Variants in ERGIC3 observed in about 807,000 individuals in gnomAD.
The protein encoded by ERGIC3 is ERGIC and golgi 3, also known as endoplasmic reticulum-Golgi intermediate compartment protein 3.
Under a neutral mutation model 54.7 loss-of-function variants are expected in ERGIC3, and 33 were observed. The observed-to-expected ratio is 0.60, with a 90% confidence interval of 0.46 to 0.81. The LOEUF is 0.81. ERGIC3 is among the 30% of genes least tolerant of loss of function. The pLI is 0.00. For synonymous variants in ERGIC3, 186 were observed against 189.8 expected, an observed-to-expected ratio of 0.98 and a Z score of 0.16; for missense variants, 399 against 488.4, an observed-to-expected ratio of 0.82 and a Z score of 1.73.
In ERGIC3 at chr20:35,548,647, G is replaced by T; in HGVS notation, c.600G>T (p.Gln200His). The T allele has an allele frequency of 6.2e-7, 1 of 1,614,256 alleles. No individual in the cohort carries two copies. The highest frequency in any genetic ancestry group is 8.5e-7 in the Non-Finnish European group (1 of 1,180,052). The change falls in exon 6 of 13, where the codon CAG becomes CAT. Residue 200 changes from glutamine to histidine, a missense_variant. Gln to His is a conservative substitution (Grantham distance 24). Coordinates refer to ENST00000348547, the MANE Select transcript of ERGIC3 (RefSeq NM_015966.3). The stretch of plus-strand genomic sequence containing the variant: ...AGGAGCAGAAGAATGAAGGCTGCCA[G>T]GTGTATGGCTTCTTGGAAGTCAATA... ...KMQEQKNEGCQVYGFLEVNKV... is the reference protein window; with the variant it reads ...KMQEQKNEGCHVYGFLEVNKV...
In ERGIC3 at chr20:35,542,194, C is replaced by G; in HGVS notation, c.88+9C>G. ...CTGCGGGGGCGCCACCGGTAGGCCG[C>G]AGCGGGGCCGGGGTCGCGTGGAGGG... On this transcript the variant is annotated intron_variant, in intron 1 of 12. Transcript: ENST00000348547. 1 of 1,581,668 alleles carries G rather than the reference C, an allele frequency of 6.3e-7. No individual in the cohort carries two copies. Among genetic ancestry groups the G allele is most frequent in the Non-Finnish European group, 8.6e-7 (1 of 1,162,770 alleles).
At chr20:35,550,225 A>G (rs907785576) in intron 7 of ERGIC3, among the ~76,000 whole-genome samples, 4 of 152,022 alleles carry the variant, frequency 2.6e-5, no homozygotes, top group African/African-American at 9.7e-5. Flanking sequence ...AGCAGAGAGA[A>G]CAGCAAATGC....
intron 4 of ERGIC3, 199 bp from the exon 5 acceptor site, chr20:35,547,213 C>T: frequency 1.8e-6 from 1 of 545,122 alleles, no homozygotes; most frequent in Non-Finnish European, 3.3e-6. Context: ...TTACTGTTGA[C>T]TGTTTTCTTA....
intron 7 of ERGIC3, among the ~76,000 whole-genome samples, chr20:35,551,889 A>G (rs528852442): frequency 6.6e-6 from 1 of 152,274 alleles, no homozygotes; most frequent in South Asian, 2.1e-4. Flanking sequence ...TGACAGCTCT[A>G]TAGTGGAAAT....
chr20:35,556,510 G>C (rs916736659), intron 10 of ERGIC3: 63 of 558,132 alleles, frequency 1.1e-4, no homozygotes, highest in African/African-American at 1.1e-3. Flanking sequence ...TTCCTCCGGT[G>C]CCCACCGTCT....
intron 7 of ERGIC3, chr20:35,554,401 C>T (rs1225430761): frequency 3.1e-6 from 5 of 1,614,096 alleles, no homozygotes; most frequent in Middle Eastern, 1.7e-4. Flanking sequence ...GTGGCCCTGC[C>T]CCCATGGAGG....
intron 7 of ERGIC3, among the ~76,000 whole-genome samples, chr20:35,550,668 G>A (rs1272212854): frequency 4.6e-5 from 7 of 152,132 alleles, no homozygotes. Context: ...TGCAGGGCTT[G>A]CAGGGGCATT....
intron 3 of ERGIC3, 91 bp downstream of exon 3, chr20:35,542,691 G>C: frequency 6.3e-7 from 1 of 1,599,214 alleles, no homozygotes; most frequent in Non-Finnish European, 8.6e-7. Flanking sequence ...TTCTGGACTG[G>C]ACCCCAGGAC....
chr20:35,549,450 A>G, intron 7 of ERGIC3: 1 of 346,952 alleles, frequency 2.9e-6, no homozygotes, highest in South Asian at 2.2e-5. Context: ...CATTCACAAA[A>G]TATTTAGTAA....
chr20:35,554,775 A>G, intron 7 of ERGIC3: 1 of 600,286 alleles, frequency 1.7e-6, no homozygotes, highest in Non-Finnish European at 3.0e-6. Flanking sequence ...AGGCAGGGCC[A>G]TGGTGGTAGT....
At chr20:35,543,028 G>A in intron 4 of ERGIC3, 87 bp downstream of exon 4, 2 of 1,589,870 alleles carry the variant, frequency 1.3e-6, no homozygotes, top group Non-Finnish European at 1.7e-6. Flanking sequence ...GGCAGGCATA[G>A]TGATACATTA....
At position 35,556,508 on chromosome 20, in the gene ERGIC3, G is replaced by A. The variant is rs1443756758; in HGVS notation, c.879+237G>A. On this transcript the variant is annotated intron_variant, in intron 10 of 12. Transcript: ENST00000348547. Reference sequence around the variant, plus strand: ...CTCACCGCTTCTATCCGTTCCTCCGGTGCCCACCGTCTGCCTGCCTCACTG... The same window carrying A: ...CTCACCGCTTCTATCCGTTCCTCCGATGCCCACCGTCTGCCTGCCTCACTG... 5.4e-6 allele frequency: 3 copies of A among 560,476 alleles called. No homozygotes were observed. In the East Asian group the frequency reaches 9.3e-5, roughly 17 times the overall value. 34.7% of individuals were successfully genotyped at this position (560,476 alleles called of 1,614,324 possible). A position where few individuals can be genotyped will look rare whatever the true frequency, so the allele number is the denominator to read the frequency against.
intron 4 of ERGIC3, chr20:35,543,666 T>G (rs1324028993): frequency 4.2e-6 from 2 of 471,066 alleles, no homozygotes; most frequent in African/African-American, 4.0e-5. Context: ...AGCAGATTAA[T>G]GCAGGACACC....
At position 35,542,813 on chromosome 20, in the gene ERGIC3, T is replaced by C. The variant is rs2064623399; in HGVS notation, c.248-9T>C. Reference sequence around the variant, plus strand: ...TCCCAGTACCTTAGCCTGATTTTCCTGCTTCCAGATCTGAGTATTGATGCC... The same window carrying C: ...TCCCAGTACCTTAGCCTGATTTTCCCGCTTCCAGATCTGAGTATTGATGCC... On this transcript the variant is annotated splice_polypyrimidine_tract_variant and intron_variant, in intron 3 of 12. Coordinates refer to ENST00000348547, the MANE Select transcript of ERGIC3 (RefSeq NM_015966.3). 1 of 1,614,010 alleles carries C rather than the reference T, an allele frequency of 6.2e-7. No homozygotes were observed. The highest frequency in any genetic ancestry group is 8.5e-7 in the Non-Finnish European group (1 of 1,180,044).
intron 4 of ERGIC3, chr20:35,544,035 TATC>T (rs2064633060): frequency 1.1e-4 from 24 of 218,412 alleles, no homozygotes; most frequent in Middle Eastern, 3.5e-3. Context: ...TCTATCTATC[TATC>T]TATCTATCTA....
At chr20:35,553,558 G>T (rs534113089) in intron 7 of ERGIC3, among the ~76,000 whole-genome samples, 1 of 151,958 alleles carries the variant, frequency 6.6e-6, no homozygotes, top group Non-Finnish European at 1.5e-5. Flanking sequence ...CCCAGGGTAT[G>T]AAGATGGCCT....
At position 35,556,101 on chromosome 20, in the gene ERGIC3, G is replaced by A. The variant is rs1394605192; in HGVS notation, c.786G>A (p.Leu262=). Reference sequence around the variant, plus strand: ...ACTATCCAGGCATTGTGAACCCCCTGGACCACACCAATGTCACTGCGCCCC... The same window carrying A: ...ACTATCCAGGCATTGTGAACCCCCTAGACCACACCAATGTCACTGCGCCCC... ...GEDYPGIVNP[L]DHTNVTAPQA... is the part of the protein sequence containing the mutation. Residue 262 remains leucine, a synonymous_variant, in exon 9 of 13, where the codon CTG becomes CTA. Transcript: ENST00000348547. The A allele has an allele frequency of 1.9e-6, 3 of 1,614,156 alleles. No individual in the cohort carries two copies. The highest frequency in any genetic ancestry group is 4.5e-5 in the East Asian group (2 of 44,880).
rs573011849 is a variant in ERGIC3, at chr20:35,544,115, C to T, written c.367+1174C>T. 13 of 191,242 alleles carry T rather than the reference C, an allele frequency of 6.8e-5. No homozygotes were observed. In the South Asian group the frequency reaches 9.3e-4, roughly 14 times the overall value. 11.8% of individuals were successfully genotyped at this position (191,242 alleles called of 1,614,324 possible). On this transcript the variant is annotated intron_variant, in intron 4 of 12. Transcript: ENST00000348547. ...TGTCGCCCAGGCTGGAGTGCAGTGG[C>T]GCGATCTTGGCTCACTGCAACCTCC...
chr20:35,553,045 T>TTTTTTTA (rs2064690355), intron 7 of ERGIC3, among the ~76,000 whole-genome samples: 1 of 138,758 alleles, frequency 7.2e-6, no homozygotes, highest in African/African-American at 2.8e-5. Flanking sequence ...TTTTTTTTTT[T>TTTTTTTA]TTTGAGGCTG....
Sources: gnomAD v4.1 joint callset for allele counts (sites outside exome capture counted in the v4.1 genomes callset) on GRCh38, gnomAD v4.1.1 for gene constraint, MANE v1.5 for transcripts, NCBI Gene and HGNC (gene_info 2026-07-23, HGNC 2026-07-21) for gene names.